Variants in LRMDA observed in about 807,000 individuals in gnomAD.
LRMDA encodes leucine-rich melanocyte differentiation-associated protein.
In LRMDA, 18 loss-of-function variants were observed where a neutral mutation model predicts 29.8. The observed-to-expected ratio is 0.60, with a 90% CI of 0.42 to 0.90. The LOEUF (loss-of-function observed/expected upper bound fraction) is 0.90, where lower values mean the gene tolerates loss of function less well. LRMDA is among the 40% of genes least tolerant of loss of function. The pLI, the probability that LRMDA is intolerant of heterozygous loss-of-function variation, is 0.00. For synonymous variants in LRMDA, 125 were observed against 109.4 expected (o/e 1.14, Z -0.89); for missense variants, 273 against 273.9 (o/e 1.00, Z 0.02).
At chr10:76,076,822 G>A (rs1271611983) in intron 5 of LRMDA, among the ~76,000 whole-genome samples, 2 of 152,078 alleles carry the variant, frequency 1.3e-5, no homozygotes, top group East Asian at 3.9e-4. Context: ...TTCAAGGGTC[G>A]GGCAGACAAC....
At chr10:75,470,459 T>G (rs1844712087) in intron 2 of LRMDA, among the ~76,000 whole-genome samples, 2 of 152,184 alleles carry the variant, frequency 1.3e-5, no homozygotes, top group Admixed American at 6.5e-5. Context: ...ATTGCACCAC[T>G]GCACTCCAGC....
intron 6 of LRMDA, among the ~76,000 whole-genome samples, chr10:76,527,074 G>T (rs796915882): frequency 6.8e-6 from 1 of 147,108 alleles, no homozygotes; most frequent in African/African-American, 2.5e-5. Context: ...AAAAAGAAGA[G>T]GTGGAGCTGG....
intron 2 of LRMDA, among the ~76,000 whole-genome samples, chr10:75,700,270 T>C (rs1842288780): frequency 1.3e-5 from 2 of 150,732 alleles, no homozygotes; most frequent in South Asian, 2.1e-4. Flanking sequence ...TTTTTTTTTT[T>C]TACCAAATAT....
chr10:75,509,900 GC>G (rs1845208714), intron 2 of LRMDA, among the ~76,000 whole-genome samples: 1 of 152,186 alleles, frequency 6.6e-6, no homozygotes. Flanking sequence ...AGGGCAGACC[GC>G]ATGTGGGGCT....
chr10:76,152,578 A>G (rs1280222911), intron 5 of LRMDA, among the ~76,000 whole-genome samples: 3 of 152,166 alleles, frequency 2.0e-5, no homozygotes, highest in Non-Finnish European at 4.4e-5. Flanking sequence ...TGGTAACTCT[A>G]TGTTTAATTT....
chr10:75,442,431 T>C (rs1301753145), intron 2 of LRMDA, among the ~76,000 whole-genome samples: 1 of 152,242 alleles, frequency 6.6e-6, no homozygotes, highest in Non-Finnish European at 1.5e-5. Context: ...AATTGTTTTG[T>C]ATATGGTGTG....
At chr10:76,064,326 A>C (rs999664691) in intron 5 of LRMDA, among the ~76,000 whole-genome samples, 5 of 152,116 alleles carry the variant, frequency 3.3e-5, no homozygotes, top group African/African-American at 7.2e-5. Flanking sequence ...GTGTGATCTG[A>C]AGCTGCGTTC....
intron 2 of LRMDA, among the ~76,000 whole-genome samples, chr10:75,896,683 G>T (rs1845587622): frequency 6.6e-6 from 1 of 152,208 alleles, no homozygotes; most frequent in African/African-American, 2.4e-5. Context: ...ACAGCACATA[G>T]GTTACAGGAA....
chr10:75,916,628 T>A (rs2132383763), intron 2 of LRMDA, among the ~76,000 whole-genome samples: 1 of 152,272 alleles, frequency 6.6e-6, no homozygotes, highest in Non-Finnish European at 1.5e-5. Flanking sequence ...AGTTTTTCAT[T>A]AATTTTAGCA....
chr10:76,417,277 A>G (rs1287127969), intron 6 of LRMDA, among the ~76,000 whole-genome samples: 1 of 152,198 alleles, frequency 6.6e-6, no homozygotes, highest in Non-Finnish European at 1.5e-5. Flanking sequence ...TTTTATTAGC[A>G]TGTCTTTCAA....
intron 5 of LRMDA, among the ~76,000 whole-genome samples, chr10:76,303,270 G>C (rs924398021): frequency 1.3e-5 from 2 of 149,968 alleles, no homozygotes; most frequent in African/African-American, 4.9e-5. Context: ...GTCTTGGGGA[G>C]CTCCAGTTGA....
intron 2 of LRMDA, among the ~76,000 whole-genome samples, chr10:75,495,291 C>A (rs1845031428): frequency 1.3e-5 from 2 of 152,044 alleles, no homozygotes; most frequent in African/African-American, 2.4e-5. Context: ...AGTTGAAATG[C>A]CCCTCCCTAG....
chr10:76,028,315 G>C (rs897782194), intron 2 of LRMDA, among the ~76,000 whole-genome samples: 1 of 151,998 alleles, frequency 6.6e-6, no homozygotes, highest in Non-Finnish European at 1.5e-5. Context: ...AGGGCTTCAG[G>C]TTTTCCTTAA....
chr10:75,618,005 GTGA>G (rs1038969775), intron 2 of LRMDA, among the ~76,000 whole-genome samples: 3 of 152,178 alleles, frequency 2.0e-5, no homozygotes, highest in African/African-American at 7.2e-5. Context: ...ACAGGATGAA[GTGA>G]TGAATGTAGA....
intron 5 of LRMDA, among the ~76,000 whole-genome samples, chr10:76,244,140 T>C (rs1324712310): frequency 6.6e-6 from 1 of 152,182 alleles, no homozygotes; most frequent in East Asian, 1.9e-4. Context: ...AAATTGCTTA[T>C]ATGACTTTGG....
intron 6 of LRMDA, among the ~76,000 whole-genome samples, chr10:76,515,680 A>AT (rs967814035): frequency 2.0e-5 from 3 of 151,934 alleles, no homozygotes; most frequent in African/African-American, 7.3e-5. Flanking sequence ...AAATTTTTGT[A>AT]TTTTTTGTAG....
At chr10:75,558,866 A>AT (rs1043385045) in intron 2 of LRMDA, among the ~76,000 whole-genome samples, 8 of 138,870 alleles carry the variant, frequency 5.8e-5, no homozygotes, top group African/African-American at 1.8e-4. Context: ...TGAACTCATC[A>AT]TTTTTTATGG....
intron 2 of LRMDA, among the ~76,000 whole-genome samples, chr10:75,961,946 G>A (rs550936778): frequency 8.6e-4 from 131 of 152,220 alleles, no homozygotes; most frequent in African/African-American, 3.0e-3. Context: ...TCCTTGGCTT[G>A]GAGAATCATC....
intron 3 of LRMDA, among the ~76,000 whole-genome samples, chr10:76,045,188 C>T (rs1224703589): frequency 1.3e-5 from 2 of 150,302 alleles, no homozygotes; most frequent in African/African-American, 4.9e-5. Flanking sequence ...GGTTAGTTTC[C>T]CTCTCTTGCT....
Sources: allele counts gnomAD v4.1 joint callset (sites outside exome capture counted in the v4.1 genomes callset), GRCh38; gene constraint gnomAD v4.1.1; transcripts MANE v1.5; gene names NCBI Gene and HGNC (gene_info 2026-07-23, HGNC 2026-07-21).